Variants in DLGAP2 observed in about 807,000 individuals in gnomAD.
The protein encoded by DLGAP2 is disks large-associated protein 2.
Under a neutral mutation model 100.3 loss-of-function variants are expected in DLGAP2, and 26 were observed. That is an observed-to-expected ratio of 0.26 (90% confidence interval 0.19 to 0.36). The LOEUF (loss-of-function observed/expected upper bound fraction) is 0.36, where lower values mean the gene tolerates loss of function less well. Among genes scored for constraint, DLGAP2 ranks in the 10% least tolerant of loss-of-function variants. The pLI is 1.00. For synonymous variants in DLGAP2, 886 were observed against 630.1 expected (o/e 1.41, Z -6.08); for missense variants, 1,858 against 1,453.2 (o/e 1.28, Z -4.53).
rs142804251 is a variant in DLGAP2 at position 1,295,700 on chromosome 8, C to T, written c.106+36817C>T. On this transcript the variant is annotated intron_variant, in intron 3 of 14. Coordinates refer to ENST00000637795, the MANE Select transcript of DLGAP2 (RefSeq NM_001346810.2). ...CTTTAAAAACAAATAGAAGAAAACC[C>T]ACTCCGGGCCCCAGTCTCTCTGTGG... is the stretch of plus-strand genomic sequence containing the variant. 6.0e-3 allele frequency among the ~76,000 whole-genome samples: 911 copies of T among 152,284 alleles called. 6 individuals are homozygous for T. Among genetic ancestry groups the T allele is most frequent in the African/African-American group, 0.021 (883 of 41,556 alleles).
chr8:1,316,518 C>T lies in DLGAP2; in HGVS notation c.106+57635C>T, dbSNP rs1279809019. Among the ~76,000 whole-genome samples the T allele has an allele frequency of 2.3e-5, 3 of 132,318 alleles. 1 individual carries two copies. The highest frequency in any genetic ancestry group is 4.9e-5 in the Non-Finnish European group (3 of 61,004). 86.8% of individuals were successfully genotyped at this position (132,318 alleles called of 152,430 possible). On this transcript the variant is annotated intron_variant, in intron 3 of 14. Coordinates refer to ENST00000637795, the MANE Select transcript of DLGAP2 (RefSeq NM_001346810.2). ...CGTCTCTCCAACAGTGGTCTACACTCGAGACACTCGGCAGCGTTTAAAAAT... is the reference window on the plus strand; with the variant it reads ...CGTCTCTCCAACAGTGGTCTACACTTGAGACACTCGGCAGCGTTTAAAAAT...
intron 3 of DLGAP2, among the ~76,000 whole-genome samples, chr8:1,391,359 G>A (rs1028550527): frequency 1.3e-5 from 2 of 152,224 alleles, no homozygotes; most frequent in African/African-American, 4.8e-5. Flanking sequence ...GAGTCTGGAT[G>A]CCCCATTCAG....
intron 13 of DLGAP2, among the ~76,000 whole-genome samples, chr8:1,695,612 AG>A (rs1224533676): frequency 6.7e-6 from 1 of 149,624 alleles, no homozygotes; most frequent in East Asian, 2.0e-4. Flanking sequence ...CTACAGAAAG[AG>A]GGGGCACAGC....
chr8:1,515,324 G>A (rs1214328507), intron 4 of DLGAP2, among the ~76,000 whole-genome samples: 1 of 152,208 alleles, frequency 6.6e-6, no homozygotes, highest in East Asian at 1.9e-4. Context: ...GGGGCACAGA[G>A]AAAAGGAGTC....
At chr8:1,487,832 A>T (rs1367429046) in intron 3 of DLGAP2, among the ~76,000 whole-genome samples, 1 of 152,130 alleles carries the variant, frequency 6.6e-6, no homozygotes, top group Non-Finnish European at 1.5e-5. Context: ...CGTCCTCACT[A>T]CCTGCCAGCA....
At chr8:1,488,380 C>T in intron 3 of DLGAP2, among the ~76,000 whole-genome samples, 1 of 152,272 alleles carries the variant, frequency 6.6e-6, no homozygotes, top group South Asian at 2.1e-4. Flanking sequence ...GTCTCTTTTC[C>T]AAGCTCAGAT....
At position 757,121 on chromosome 8, in the gene DLGAP2, G is replaced by A. The variant is rs557203372; in HGVS notation, c.18+19296G>A. Among the ~76,000 whole-genome samples, 4 of 152,248 alleles carry A rather than the reference G, an allele frequency of 2.6e-5. No homozygotes were observed. In the South Asian group the frequency reaches 6.2e-4, roughly 24 times the overall value. On this transcript the variant is annotated intron_variant, in intron 1 of 14. Transcript: ENST00000637795. ...TACTCGTCATCAACCCCCACCTCGT[G>A]CTGTTTTTCCTCATTGCTCTCTGTC... is the stretch of plus-strand genomic sequence containing the variant.
intron 2 of DLGAP2, among the ~76,000 whole-genome samples, chr8:1,055,206 C>T (rs1802841839): frequency 6.6e-6 from 1 of 152,174 alleles, no homozygotes; most frequent in South Asian, 2.1e-4. Context: ...TATGTGATGA[C>T]ATTCTCTAAA....
intron 2 of DLGAP2, among the ~76,000 whole-genome samples, chr8:1,045,025 A>G (rs915207761): frequency 6.6e-6 from 1 of 152,218 alleles, no homozygotes; most frequent in Non-Finnish European, 1.5e-5. Context: ...ATAAGCACAC[A>G]TGATAAGTGA....
At chr8:1,347,010 TGA>T (rs1348606260) in intron 3 of DLGAP2, among the ~76,000 whole-genome samples, 3 of 151,912 alleles carry the variant, frequency 2.0e-5, no homozygotes, top group Non-Finnish European at 4.4e-5. Context: ...GTGTGGAGGT[TGA>T]GTTACCATAC....
At chr8:1,206,584 T>TCTCA (rs1797998928) in intron 2 of DLGAP2, among the ~76,000 whole-genome samples, 2 of 78,480 alleles carry the variant, frequency 2.5e-5, no homozygotes, top group African/African-American at 1.4e-4. Context: ...GGGGGTAGAC[T>TCTCA]GTGAGCAGTT....
intron 4 of DLGAP2, among the ~76,000 whole-genome samples, chr8:1,532,431 G>A (rs1350825307): frequency 1.3e-5 from 2 of 152,074 alleles, no homozygotes; most frequent in Admixed American, 1.3e-4. Flanking sequence ...TACGAGATTG[G>A]TTTTCTGATA....
intron 2 of DLGAP2, among the ~76,000 whole-genome samples, chr8:918,881 T>C (rs766700595): frequency 5.9e-5 from 9 of 152,224 alleles, no homozygotes; most frequent in Non-Finnish European, 1.0e-4. Flanking sequence ...CTAAACATTA[T>C]TTTTTAAACA....
intron 4 of DLGAP2, among the ~76,000 whole-genome samples, chr8:1,525,997 C>G (rs1305808736): frequency 6.6e-6 from 1 of 152,072 alleles, no homozygotes; most frequent in Non-Finnish European, 1.5e-5. Flanking sequence ...ATTTGCATTA[C>G]ATACTTGCCA....
chr8:1,442,330 G>A (rs950902832), intron 3 of DLGAP2, among the ~76,000 whole-genome samples: 6 of 151,186 alleles, frequency 4.0e-5, no homozygotes, highest in African/African-American at 1.5e-4. Flanking sequence ...TTCAGCCACT[G>A]GGGGAGATGG....
chr8:912,779 G>A (rs1021023986), intron 2 of DLGAP2, among the ~76,000 whole-genome samples: 4 of 147,338 alleles, frequency 2.7e-5, no homozygotes, highest in African/African-American at 1.0e-4. Flanking sequence ...CTGCGCTATG[G>A]TGCCCACGTT....
At chr8:1,435,709 C>T (rs1018248174) in intron 3 of DLGAP2, among the ~76,000 whole-genome samples, 3 of 151,754 alleles carry the variant, frequency 2.0e-5, no homozygotes, top group African/African-American at 7.3e-5. Context: ...GAAGAAGGCA[C>T]TGTGGTCGTA....
At chr8:1,458,868 A>T (rs999738198) in intron 3 of DLGAP2, among the ~76,000 whole-genome samples, 1 of 152,174 alleles carries the variant, frequency 6.6e-6, no homozygotes, top group African/African-American at 2.4e-5. Flanking sequence ...TCCCCATGAT[A>T]TGGGGCTCTG....
chr8:1,665,159 T>C (rs1798512346), intron 8 of DLGAP2, among the ~76,000 whole-genome samples: 1 of 152,226 alleles, frequency 6.6e-6, no homozygotes, highest in Non-Finnish European at 1.5e-5. Flanking sequence ...ATACATTTTT[T>C]TTAATTTACG....
Sources: gnomAD v4.1 joint callset for allele counts (sites outside exome capture counted in the v4.1 genomes callset) on GRCh38, gnomAD v4.1.1 for gene constraint, MANE v1.5 for transcripts, NCBI Gene and HGNC (gene_info 2026-07-23, HGNC 2026-07-21) for gene names.